PDE1C: variants seen among roughly 807,000 people sequenced by gnomAD.
PDE1C encodes the protein phosphodiesterase 1C.
PDE1C carries 62 observed loss-of-function variants against 93.1 expected under a neutral mutation model. The ratio of observed to expected loss-of-function variants is 0.67; its 90% CI spans 0.54 to 0.82. The LOEUF (loss-of-function observed/expected upper bound fraction) is 0.82. PDE1C is among the 40% of genes least tolerant of loss of function. The pLI is 0.00. For missense variants in PDE1C, 742 were observed against 884.6 expected (o/e 0.84, Z 2.04); for synonymous variants, 325 against 310.1 (o/e 1.05, Z -0.50).
intron 2 of PDE1C, among the ~76,000 whole-genome samples, chr7:32,040,116 G>A (rs1018923236): frequency 4.6e-5 from 7 of 152,038 alleles, no homozygotes; most frequent in South Asian, 2.1e-4. Flanking sequence ...TGAAACATAA[G>A]TCATAAATTT....
At chr7:31,735,807 A>G in the PDE1C span, among the ~76,000 whole-genome samples, 1 of 152,168 alleles carries the variant, frequency 6.6e-6, no homozygotes, top group Non-Finnish European at 1.5e-5. Context: ...AGAAGTGGCG[A>G]AATTGTATAT....
chr7:32,048,067 C>G (rs1792842619), intron 2 of PDE1C, among the ~76,000 whole-genome samples: 1 of 152,154 alleles, frequency 6.6e-6, no homozygotes, highest in Non-Finnish European at 1.5e-5. Flanking sequence ...CAGACCATTA[C>G]TTGACTGGGA....
intron 16 of PDE1C, among the ~76,000 whole-genome samples, chr7:31,792,608 A>C (rs904437407): frequency 6.6e-6 from 1 of 152,134 alleles, no homozygotes; most frequent in African/African-American, 2.4e-5. Context: ...CTCACAGAGA[A>C]GGAGCACCTG....
chr7:31,648,149 A>G, the PDE1C span, among the ~76,000 whole-genome samples: 1 of 152,198 alleles, frequency 6.6e-6, no homozygotes, highest in African/African-American at 2.4e-5. Flanking sequence ...TTAGTTTTAG[A>G]GAAAAGTAAA....
chr7:32,065,248 T>C (rs760001843), intron 1 of PDE1C, among the ~76,000 whole-genome samples: 2 of 152,156 alleles, frequency 1.3e-5, no homozygotes, highest in African/African-American at 2.4e-5. Flanking sequence ...TTGCCAGTAG[T>C]CCCTAAGAAC....
intron 2 of PDE1C, among the ~76,000 whole-genome samples, chr7:32,184,611 G>T (rs1345195781): frequency 2.0e-5 from 3 of 152,088 alleles, no homozygotes; most frequent in African/African-American, 4.8e-5. Context: ...AGAACACATG[G>T]ACACAGGAAG....
intron 2 of PDE1C, among the ~76,000 whole-genome samples, chr7:31,892,228 T>C (rs927493417): frequency 6.6e-6 from 1 of 152,150 alleles, no homozygotes; most frequent in Admixed American, 6.5e-5. Context: ...TGTTCACCAG[T>C]GAGCTACTAA....
chr7:31,777,616 C>T lies in PDE1C; in HGVS notation c.1892-1884G>A, dbSNP rs150442834. On this transcript the variant is annotated intron_variant, in intron 16 of 17. Coordinates refer to ENST00000396191, the MANE Select transcript of PDE1C (RefSeq NM_001191057.4). ...TGCTGGGATTACAGACATGAGCCAC[C>T]GCACCCAGCCCCATTTTCATCTTAA... 4.2e-3 allele frequency among the ~76,000 whole-genome samples: 644 copies of T among 152,186 alleles called. 8 individuals are homozygous for T. Among genetic ancestry groups the T allele is most frequent in the African/African-American group, 0.014 (587 of 41,506 alleles).
chr7:31,857,512 A>T (rs1250526683), intron 7 of PDE1C, among the ~76,000 whole-genome samples: 1 of 152,096 alleles, frequency 6.6e-6, no homozygotes, highest in Non-Finnish European at 1.5e-5. Context: ...GGATTTGCAA[A>T]GGTACATCAG....
chr7:31,981,075 T>C (rs1812307435), intron 2 of PDE1C, among the ~76,000 whole-genome samples: 1 of 152,192 alleles, frequency 6.6e-6, no homozygotes, highest in Non-Finnish European at 1.5e-5. Flanking sequence ...TCACTTACCA[T>C]ATTGACTCTT....
chr7:31,643,514 G>A, the PDE1C span: 2 of 1,614,022 alleles, frequency 1.2e-6, no homozygotes, highest in Admixed American at 3.3e-5. Context: ...ATGTCCTCCA[G>A]CCTGGTGTCG....
intron 2 of PDE1C, among the ~76,000 whole-genome samples, chr7:31,890,444 G>T (rs1429507294): frequency 3.3e-5 from 5 of 152,314 alleles, no homozygotes; most frequent in Non-Finnish European, 5.9e-5. Context: ...ATTTAGGAAG[G>T]TTGCAACCCA....
chr7:32,068,421 G>T (rs1379225635), intron 1 of PDE1C, among the ~76,000 whole-genome samples: 1 of 152,126 alleles, frequency 6.6e-6, no homozygotes, highest in Non-Finnish European at 1.5e-5. Flanking sequence ...AGAAGAAGTG[G>T]TAAGGATCAC....
intron 1 of PDE1C, among the ~76,000 whole-genome samples, chr7:32,357,576 T>C (rs1784055824): frequency 6.6e-6 from 1 of 152,118 alleles, no homozygotes; most frequent in Non-Finnish European, 1.5e-5. Flanking sequence ...GGTATTCAAA[T>C]AGAATTAGGC....
intron 1 of PDE1C, among the ~76,000 whole-genome samples, chr7:32,290,539 G>A (rs1469067761): frequency 6.6e-6 from 1 of 152,176 alleles, no homozygotes; most frequent in Non-Finnish European, 1.5e-5. Flanking sequence ...TTACTAATGA[G>A]GGCCTCAGGG....
At chr7:31,759,970 G>A (rs1028444302) in intron 17 of PDE1C, among the ~76,000 whole-genome samples, 1 of 151,876 alleles carries the variant, frequency 6.6e-6, no homozygotes, top group African/African-American at 2.4e-5. Context: ...CAGTTGTACA[G>A]AATTATTTTT....
chr7:32,362,961 G>A (rs2128085767), intron 1 of PDE1C, among the ~76,000 whole-genome samples: 1 of 152,348 alleles, frequency 6.6e-6, no homozygotes, highest in Non-Finnish European at 1.5e-5. Flanking sequence ...GCTGCTCACA[G>A]ATGGGGGAGA....
At chr7:31,955,248 G>T (rs1807967121) in intron 2 of PDE1C, among the ~76,000 whole-genome samples, 1 of 152,132 alleles carries the variant, frequency 6.6e-6, no homozygotes, top group Non-Finnish European at 1.5e-5. Flanking sequence ...ATTCAATGTG[G>T]CTTCTGGTTT....
Position 32,241,811 on chromosome 7 carries a change from C to T in PDE1C, c.86-32272G>A, listed in dbSNP as rs116232142. On this transcript the variant is annotated intron_variant, in intron 1 of 18. Transcript: ENST00000396193. The stretch of plus-strand genomic sequence containing the variant: ...CAGTAAGGATGCTAGCCTCAGCCAC[C>T]GCCTATCTGCTGTATCCACAGAGAG... Among the ~76,000 whole-genome samples, 898 of 152,050 alleles carry T rather than the reference C, an allele frequency of 5.9e-3. 8 individuals carry two copies. Among genetic ancestry groups the T allele is most frequent in the African/African-American group, 0.021 (857 of 41,480 alleles).
Sources: allele counts gnomAD v4.1 joint callset (sites outside exome capture counted in the v4.1 genomes callset), GRCh38; gene constraint gnomAD v4.1.1; transcripts MANE v1.5; gene names NCBI Gene and HGNC (gene_info 2026-07-23, HGNC 2026-07-21).